INPP5A: variants seen among roughly 807,000 people sequenced by gnomAD.
INPP5A encodes 43 kDa inositol polyphosphate 5-phophatase.
In INPP5A, 14 loss-of-function variants were observed where a neutral mutation model predicts 65.2. That is an observed-to-expected ratio of 0.21 (90% confidence interval 0.14 to 0.34). The LOEUF is 0.34. Among genes scored for constraint, INPP5A ranks in the 10% least tolerant of loss-of-function variants. INPP5A has a pLI of 1.00. For missense variants in INPP5A, 431 were observed against 545.6 expected, an observed-to-expected ratio of 0.79 and a Z score of 2.09; for synonymous variants, 207 against 208.3, an observed-to-expected ratio of 0.99 and a Z score of 0.05.
At chr10:132,712,302 GCA>G (rs1435801670) in intron 8 of INPP5A, among the ~76,000 whole-genome samples, 5 of 152,126 alleles carry the variant, frequency 3.3e-5, no homozygotes, top group Admixed American at 6.5e-5. Flanking sequence ...GTGAGTGTAT[GCA>G]CAGTTGCTTG....
intron 5 of INPP5A, among the ~76,000 whole-genome samples, chr10:132,694,297 CAA>C (rs141655009): frequency 0.015 from 2,246 of 152,158 alleles, 33 homozygotes; most frequent in South Asian, 0.038. Context: ...AAAGAAGTCT[CAA>C]GAGAAATTTA....
At chr10:132,609,143 G>C (rs2071906297) in intron 2 of INPP5A, among the ~76,000 whole-genome samples, 2 of 152,254 alleles carry the variant, frequency 1.3e-5, no homozygotes, top group Non-Finnish European at 2.9e-5. Flanking sequence ...ACAGGGACCT[G>C]ATAAATCTCT....
At chr10:132,712,096 C>T (rs1241704754) in intron 8 of INPP5A, among the ~76,000 whole-genome samples, 1 of 152,226 alleles carries the variant, frequency 6.6e-6, no homozygotes, top group Non-Finnish European at 1.5e-5. Flanking sequence ...AGACCCACGT[C>T]CTGAGGGGTC....
chr10:132,667,868 A>T (rs920226815), intron 4 of INPP5A, among the ~76,000 whole-genome samples: 6 of 152,150 alleles, frequency 3.9e-5, no homozygotes, highest in Admixed American at 2.0e-4. Context: ...CTCTTGGAAA[A>T]GGGGAAATAA....
intron 11 of INPP5A, among the ~76,000 whole-genome samples, chr10:132,764,631 C>T (rs1455257789): frequency 2.9e-5 from 4 of 138,922 alleles, no homozygotes; most frequent in East Asian, 2.2e-4. Context: ...CTCAGGAACA[C>T]GGGCCAGTCC....
chr10:132,739,670 C>T (rs1846239110), intron 9 of INPP5A, among the ~76,000 whole-genome samples: 1 of 152,236 alleles, frequency 6.6e-6, no homozygotes, highest in African/African-American at 2.4e-5. Context: ...CTCTCGCTTC[C>T]AAGAAGCTGC....
At position 132,549,336 on chromosome 10, in the gene INPP5A, G is replaced by A. The variant is rs189942671; in HGVS notation, c.75+11165G>A. Among the ~76,000 whole-genome samples the A allele has an allele frequency of 2.7e-3, 413 of 152,326 alleles. No homozygotes were observed. The highest frequency in any genetic ancestry group is 5.0e-3 in the Non-Finnish European group (341 of 68,022). ...TGCCCCATTCGTGCCCCGTCGAGTG[G>A]TGTGGAAGGACTCTAGCTCTTCTGC... On this transcript the variant is annotated intron_variant, in intron 1 of 15. Coordinates refer to ENST00000368594, the MANE Select transcript of INPP5A (RefSeq NM_005539.5). The surrounding 1 kb of genome is among the most constrained non-coding windows in gnomAD (Gnocchi z 4.9).
chr10:132,580,051 T>TC (rs1309167495), intron 1 of INPP5A, among the ~76,000 whole-genome samples: 1 of 151,546 alleles, frequency 6.6e-6, no homozygotes, highest in African/African-American at 2.4e-5. Flanking sequence ...TGCTGGCAGC[T>TC]CCCAGGGCTG....
rs374567060 is a variant in INPP5A, at chr10:132,777,023, C to T, written c.978-648C>T. 3.9e-5 allele frequency among the ~76,000 whole-genome samples: 6 copies of T among 152,306 alleles called. No individual in the cohort carries two copies. In the South Asian group the frequency reaches 1.2e-3, roughly 32 times the overall value. ...CAGACCCCAGGCAGTGTGGGATGCG[C>T]TCACTGTGTGGGTGAAGGGCTCCGC... On this transcript the variant is annotated intron_variant, in intron 12 of 15. Transcript: ENST00000368594.
chr10:132,773,592 C>T (rs1368264455), intron 12 of INPP5A, among the ~76,000 whole-genome samples: 1 of 152,190 alleles, frequency 6.6e-6, no homozygotes, highest in Non-Finnish European at 1.5e-5. Context: ...GAGCTGGGTG[C>T]TCAGGAGGGA....
At chr10:132,672,880 C>T (rs1423205398) in intron 4 of INPP5A, among the ~76,000 whole-genome samples, 1 of 152,194 alleles carries the variant, frequency 6.6e-6, no homozygotes, top group African/African-American at 2.4e-5. Context: ...CCTTTGCCTT[C>T]AGCATCACCT....
At chr10:132,718,125 C>A (rs1845778077) in intron 8 of INPP5A, among the ~76,000 whole-genome samples, 1 of 146,446 alleles carries the variant, frequency 6.8e-6, no homozygotes, top group Admixed American at 6.8e-5. Context: ...TACCTGGGAG[C>A]TGTCTGGGCG....
At position 132,697,064 on chromosome 10, in the gene INPP5A, C is replaced by G. The variant is rs1245593676; in HGVS notation, c.371-752C>G. ...CGGTCTCCAGGAACCTCGTTGACAC[C>G]CAGGAGTGTCACCTCAGTGGCCCAG... On this transcript the variant is annotated intron_variant, in intron 5 of 15. Coordinates refer to ENST00000368594, the MANE Select transcript of INPP5A (RefSeq NM_005539.5). The surrounding 1 kb of genome is among the most constrained non-coding windows in gnomAD (Gnocchi z 5.6). Among the ~76,000 whole-genome samples the G allele has an allele frequency of 6.6e-6, 1 of 152,214 alleles. No individual in the cohort carries two copies. Among genetic ancestry groups the G allele is most frequent in the Non-Finnish European group, 1.5e-5 (1 of 68,032 alleles).
In INPP5A at chr10:132,597,152, TGTGA is replaced by T. The variant is rs778649524; in HGVS notation, c.76-10759_76-10756del. ...ACGTGTGCATGTGTGCATGCATGTG[TGTGA>T]GTGTGTGTGCGCATGTGTGCGTATG... On this transcript the variant is annotated intron_variant, in intron 1 of 15. Coordinates refer to ENST00000368594, the MANE Select transcript of INPP5A (RefSeq NM_005539.5). Among the ~76,000 whole-genome samples the T allele has an allele frequency of 1.5e-3, 227 of 152,226 alleles. 1 individual carries two copies. The highest frequency in any genetic ancestry group is 3.5e-3 in the African/African-American group (147 of 41,562).
intron 2 of INPP5A, among the ~76,000 whole-genome samples, chr10:132,642,627 T>C (rs2133386881): frequency 6.6e-6 from 1 of 152,318 alleles, no homozygotes; most frequent in Non-Finnish European, 1.5e-5. Context: ...TCCCCTCTGT[T>C]TGAGCAGGCC....
intron 11 of INPP5A, among the ~76,000 whole-genome samples, chr10:132,757,463 G>A (rs1022775037): frequency 2.0e-5 from 3 of 152,240 alleles, no homozygotes; most frequent in Non-Finnish European, 4.4e-5. Flanking sequence ...TCGGTGGCCT[G>A]CTGTGCGGGT....
At chr10:132,635,386 A>ATTT (rs775271931) in intron 2 of INPP5A, among the ~76,000 whole-genome samples, 1 of 54,518 alleles carries the variant, frequency 1.8e-5, no homozygotes, top group African/African-American at 7.9e-5. Flanking sequence ...CTTTTTAAAG[A>ATTT]TTTTTTTTTT....
intron 4 of INPP5A, among the ~76,000 whole-genome samples, chr10:132,658,730 C>A (rs569702637): frequency 2.0e-5 from 3 of 152,088 alleles, no homozygotes; most frequent in South Asian, 4.2e-4. Flanking sequence ...CCTCTGGGCT[C>A]CAAGGAGGCT....
intron 2 of INPP5A, among the ~76,000 whole-genome samples, chr10:132,623,668 A>C (rs997997356): frequency 1.3e-5 from 2 of 152,226 alleles, no homozygotes; most frequent in African/African-American, 4.8e-5. Flanking sequence ...ATAATTAGGA[A>C]CTTCTGCTCT....
Sources: gnomAD v4.1 joint callset for allele counts (sites outside exome capture counted in the v4.1 genomes callset) on GRCh38, gnomAD v4.1.1 for gene constraint, Gnocchi (gnomAD v3.1) non-coding constraint, MANE v1.5 for transcripts, NCBI Gene and HGNC (gene_info 2026-07-23, HGNC 2026-07-21) for gene names.